The following HSD17B12 variants were observed in gnomAD, a reference collection of about 807,000 sequenced individuals.
The protein encoded by HSD17B12 is very-long-chain 3-oxoacyl-CoA reductase.
HSD17B12 carries 32 observed loss-of-function variants against 39.3 expected under a neutral mutation model. The observed-to-expected ratio is 0.81, with a 90% CI of 0.61 to 1.09. HSD17B12 has a LOEUF of 1.09. HSD17B12 is among the 50% of genes least tolerant of loss of function. HSD17B12 has a pLI of 0.00. For missense variants in HSD17B12, 342 were observed against 382.9 expected, an observed-to-expected ratio of 0.89 and a Z score of 0.89; for synonymous variants, 150 against 146.7, an observed-to-expected ratio of 1.02 and a Z score of -0.16.
At chr11:43,712,485 A>AT (rs999977018) in intron 1 of HSD17B12, among the ~76,000 whole-genome samples, 14 of 151,456 alleles carry the variant, frequency 9.2e-5, no homozygotes, top group South Asian at 2.1e-4. Flanking sequence ...TAACCCAGAG[A>AT]TTTTTTTTTC....
At chr11:43,759,896 T>A (rs890800879) in intron 3 of HSD17B12, among the ~76,000 whole-genome samples, 16 of 146,512 alleles carry the variant, frequency 1.1e-4, no homozygotes, top group Admixed American at 6.1e-4. Context: ...CTTGGCTGAT[T>A]TTTTTTTTTT....
chr11:43,667,813 G>C, the HSD17B12 span, among the ~76,000 whole-genome samples: 1 of 152,288 alleles, frequency 6.6e-6, no homozygotes, highest in South Asian at 2.1e-4. Context: ...TTGGATTTTG[G>C]AGTATTTCAG....
chr11:43,641,256 T>C, the HSD17B12 span, among the ~76,000 whole-genome samples: 2 of 151,950 alleles, frequency 1.3e-5, no homozygotes, highest in South Asian at 2.1e-4. Context: ...GACCCCTTTT[T>C]TTTTGCACTT....
chr11:43,834,511 G>A (rs1238178835), intron 7 of HSD17B12, among the ~76,000 whole-genome samples: 1 of 152,120 alleles, frequency 6.6e-6, no homozygotes, highest in Non-Finnish European at 1.5e-5. Context: ...CAGTGATGAG[G>A]TTTCTAAGGA....
chr11:43,584,260 G>C, the HSD17B12 span, among the ~76,000 whole-genome samples: 1 of 152,198 alleles, frequency 6.6e-6, no homozygotes, highest in African/African-American at 2.4e-5. Context: ...TGGAGGCAAA[G>C]ACAGAAGCAT....
chr11:43,630,805 CTTTTTT>C, the HSD17B12 span, among the ~76,000 whole-genome samples: 1 of 137,988 alleles, frequency 7.2e-6, no homozygotes, highest in Non-Finnish European at 1.6e-5. Context: ...TTTTTTCTTT[CTTTTTT>C]TTTTTTTTTT....
intron 5 of HSD17B12, among the ~76,000 whole-genome samples, chr11:43,815,983 C>T (rs1951118960): frequency 2.0e-5 from 3 of 152,110 alleles, no homozygotes. Context: ...CATTGAAGGA[C>T]TATGTAAAAT....
intron 1 of HSD17B12, among the ~76,000 whole-genome samples, chr11:43,711,819 G>A (rs567246539): frequency 6.6e-6 from 1 of 152,238 alleles, no homozygotes; most frequent in African/African-American, 2.4e-5. Context: ...AGACTTTTCA[G>A]ATGGGAAAGC....
the HSD17B12 span, among the ~76,000 whole-genome samples, chr11:43,558,372 C>T: frequency 6.6e-6 from 1 of 152,044 alleles, no homozygotes; most frequent in Non-Finnish European, 1.5e-5. Flanking sequence ...AAATCCAGCG[C>T]CTGGTGTTGG....
intron 1 of HSD17B12, among the ~76,000 whole-genome samples, chr11:43,684,021 A>G (rs1171152101): frequency 6.6e-6 from 1 of 152,214 alleles, no homozygotes; most frequent in Non-Finnish European, 1.5e-5. Flanking sequence ...AAAATATTCT[A>G]GATAACAGTT....
At chr11:43,820,543 T>A (rs186158865) in intron 6 of HSD17B12, among the ~76,000 whole-genome samples, 1 of 152,300 alleles carries the variant, frequency 6.6e-6, no homozygotes, top group African/African-American at 2.4e-5. Context: ...AGATGAAAAT[T>A]GGTGCAGCTA....
the HSD17B12 span, among the ~76,000 whole-genome samples, chr11:43,634,108 A>AAAAAAAAAAAAAAAAAAAAAAC: frequency 7.4e-6 from 1 of 135,180 alleles, no homozygotes; most frequent in Non-Finnish European, 1.6e-5. Flanking sequence ...AAAAAAAAAA[A>AAAAAAAAAAAAAAAAAAAAAAC]AGAAAGACAC....
chr11:43,822,207 AC>A (rs1335242793), intron 6 of HSD17B12, among the ~76,000 whole-genome samples: 1 of 152,168 alleles, frequency 6.6e-6, no homozygotes, highest in Non-Finnish European at 1.5e-5. Flanking sequence ...AAATATATTA[AC>A]AGCCTCCACA....
At chr11:43,585,957 A>G in the HSD17B12 span, among the ~76,000 whole-genome samples, 61,906 of 152,104 alleles carry the variant, frequency 0.41, 13,542 homozygotes, top group East Asian at 0.7. Context: ...AGCATGCCAA[A>G]ACTGGAAAGA....
intron 9 of HSD17B12, among the ~76,000 whole-genome samples, chr11:43,844,965 T>C (rs1951460757): frequency 6.6e-6 from 1 of 150,436 alleles, no homozygotes; most frequent in Non-Finnish European, 1.5e-5. Context: ...GAGTGTGTAC[T>C]TCTGAAAAAT....
At chr11:43,559,569 G>A in the HSD17B12 span, 9 of 155,812 alleles carry the variant, frequency 5.8e-5, no homozygotes, top group South Asian at 2.0e-4. Context: ...GAGAGCCCAC[G>A]TCAGCTCATG....
intron 3 of HSD17B12, among the ~76,000 whole-genome samples, chr11:43,792,418 A>G (rs893210000): frequency 1.3e-5 from 2 of 152,156 alleles, no homozygotes; most frequent in Non-Finnish European, 2.9e-5. Flanking sequence ...ATTGGTACGC[A>G]TTGAATATAG....
At chr11:43,690,125 T>G (rs1949839422) in intron 1 of HSD17B12, among the ~76,000 whole-genome samples, 1 of 151,226 alleles carries the variant, frequency 6.6e-6, no homozygotes, top group Admixed American at 6.6e-5. Flanking sequence ...CGTTTCTCCC[T>G]CACTCCCACT....
At chr11:43,575,631 C>G in the HSD17B12 span, among the ~76,000 whole-genome samples, 2 of 152,194 alleles carry the variant, frequency 1.3e-5, no homozygotes, top group Non-Finnish European at 1.5e-5. This position sits in a 1 kb window ranked among gnomAD's most constrained non-coding sequence, Gnocchi z 4.1. Flanking sequence ...GGCCGCCTCG[C>G]CTGCTCAGTG....
Sources: allele counts gnomAD v4.1 joint callset (sites outside exome capture counted in the v4.1 genomes callset), GRCh38; gene constraint gnomAD v4.1.1; non-coding constraint Gnocchi (gnomAD v3.1); transcripts MANE v1.5; gene names NCBI Gene and HGNC (gene_info 2026-07-23, HGNC 2026-07-21).